Variants in RP1 observed in about 807,000 individuals in gnomAD.
RP1 encodes RP1 axonemal microtubule associated.
In RP1, 16 loss-of-function variants were observed where a neutral mutation model predicts 14.8. The observed-to-expected ratio is 1.08, with a 90% CI of 0.73 to 1.65. The LOEUF is 1.65. RP1 is among the 40% of genes most tolerant of loss of function. The pLI is 0.00. For synonymous variants in RP1, 876 were observed against 883.6 expected (o/e 0.99, Z 0.15); for missense variants, 2,631 against 2,535.0 (o/e 1.04, Z -0.81).
At chr8:54,563,608 A>C (rs1804335519) in intron 1 of RP1, among the ~76,000 whole-genome samples, 1 of 151,944 alleles carries the variant, frequency 6.6e-6, no homozygotes. Context: ...TGCAGTGGCG[A>C]GATCATAGCT....
At chr8:54,847,072 A>G (rs952191073) in intron 25 of RP1, among the ~76,000 whole-genome samples, 1 of 152,184 alleles carries the variant, frequency 6.6e-6, no homozygotes, top group Non-Finnish European at 1.5e-5. Context: ...GCTGCCCCCA[A>G]GATCCAACCC....
At chr8:54,782,506 A>C (rs1266258901) in intron 23 of RP1, among the ~76,000 whole-genome samples, 1 of 152,166 alleles carries the variant, frequency 6.6e-6, no homozygotes, top group Non-Finnish European at 1.5e-5. Context: ...GAAATATAAA[A>C]AATACAAGGT....
chr8:54,745,114 C>A (rs1809191967), intron 19 of RP1, among the ~76,000 whole-genome samples: 1 of 152,150 alleles, frequency 6.6e-6, no homozygotes, highest in African/African-American at 2.4e-5. Flanking sequence ...GCCAACATGA[C>A]TAAGATGCAG....
intron 8 of RP1, among the ~76,000 whole-genome samples, chr8:54,675,724 A>G (rs952226891): frequency 2.1e-4 from 32 of 152,150 alleles, no homozygotes; most frequent in Non-Finnish European, 7.4e-5. Flanking sequence ...AATCAGAACT[A>G]TAAGTACAGT....
chr8:54,725,241 ATTAT>A (rs1166790100), intron 16 of RP1, among the ~76,000 whole-genome samples: 5 of 152,126 alleles, frequency 3.3e-5, no homozygotes, highest in African/African-American at 1.2e-4. Flanking sequence ...TTCCTCTACA[ATTAT>A]TTATTTATTC....
intron 26 of RP1, among the ~76,000 whole-genome samples, chr8:54,854,981 T>A (rs1812156597): frequency 6.6e-6 from 1 of 152,238 alleles, no homozygotes; most frequent in Non-Finnish European, 1.5e-5. Context: ...ACATTCACAT[T>A]ATTGTGTAAG....
chr8:54,627,191 T>G lies in RP1; in HGVS notation c.3309T>G (p.Asn1103Lys). Residue 1103 changes from asparagine to lysine, a missense_variant, in exon 4 of 4, where the codon AAT becomes AAG. By Grantham distance (94) the Asn-to-Lys change is moderately conservative. Coordinates refer to ENST00000220676, the MANE Select transcript of RP1 (RefSeq NM_006269.2). ...TTCCTGGTATTCACAAGACTCAGAA[T>G]GGAGTTGTTCAAATGCCAGGTTCAC... is the stretch of plus-strand genomic sequence containing the variant. ...ASVPGIHKTQ[N>K]GVVQMPGSLA... is the part of the protein sequence containing the mutation. The G allele has an allele frequency of 1.9e-6, 3 of 1,614,068 alleles. No individual in the cohort carries two copies. Among genetic ancestry groups the G allele is most frequent in the Non-Finnish European group, 2.5e-6 (3 of 1,179,970 alleles).
intron 28 of RP1, among the ~76,000 whole-genome samples, chr8:54,867,052 A>G (rs780241489): frequency 2.6e-4 from 40 of 152,184 alleles, no homozygotes; most frequent in East Asian, 3.8e-4. Flanking sequence ...TTGATGCTCA[A>G]TAAGGGAGGA....
At position 54,626,698 on chromosome 8, in the gene RP1, G is replaced by C; in HGVS notation, c.2816G>C (p.Arg939Thr). The change falls in exon 4 of 4, where the codon AGA becomes ACA. Residue 939 changes from arginine (R) to threonine (T), a missense_variant. Physicochemically the swap from Arg to Thr is moderately conservative, Grantham distance 71 (BLOSUM62 -1). Coordinates refer to ENST00000220676, the MANE Select transcript of RP1 (RefSeq NM_006269.2). ...CCTATAAAATCAGCTCCAGTATGTA[G>C]AAATGAAACGAGTGTGGTAAATTGT... ...LKPIKSAPVC[R>T]NETSVVNCSN... 6.8e-6 allele frequency: 11 copies of C among 1,613,952 alleles called. No individual in the cohort carries two copies. The highest frequency in any genetic ancestry group is 8.5e-6 in the Non-Finnish European group (10 of 1,179,930).
chr8:54,744,335 C>T (rs1809172990), intron 19 of RP1, among the ~76,000 whole-genome samples: 1 of 152,100 alleles, frequency 6.6e-6, no homozygotes, highest in Admixed American at 6.6e-5. Flanking sequence ...CAAGGGAGCT[C>T]CCTAGGGAGC....
chr8:54,667,819 C>T (rs1376672682), intron 7 of RP1, among the ~76,000 whole-genome samples: 3 of 152,076 alleles, frequency 2.0e-5, no homozygotes, highest in Admixed American at 2.0e-4. Flanking sequence ...TTGTTAATAA[C>T]AGGCTCTGAA....
chr8:54,807,447 C>A (rs191409182), intron 24 of RP1, among the ~76,000 whole-genome samples: 9 of 152,248 alleles, frequency 5.9e-5, no homozygotes, highest in Admixed American at 4.6e-4. Context: ...ACTCTTTTGA[C>A]CACATATGTG....
chr8:54,731,628 T>C (rs940039799), intron 17 of RP1, among the ~76,000 whole-genome samples: 1 of 152,152 alleles, frequency 6.6e-6, no homozygotes, highest in Admixed American at 6.5e-5. Flanking sequence ...ATAATATGAG[T>C]GTACCCTGAC....
At chr8:54,848,817 C>T (rs960000168) in intron 25 of RP1, among the ~76,000 whole-genome samples, 2 of 152,248 alleles carry the variant, frequency 1.3e-5, no homozygotes, top group South Asian at 2.1e-4. Flanking sequence ...GGCACGATCT[C>T]GGCTCACTGC....
intron 1 of RP1, among the ~76,000 whole-genome samples, chr8:54,609,358 G>A (rs1330719496): frequency 6.6e-6 from 1 of 152,072 alleles, no homozygotes; most frequent in East Asian, 1.9e-4. Context: ...GGAGGTTTAG[G>A]CTGGAGCATC....
intron 15 of RP1, among the ~76,000 whole-genome samples, chr8:54,719,769 C>G (rs1488732454): frequency 6.6e-6 from 1 of 152,144 alleles, no homozygotes; most frequent in Non-Finnish European, 1.5e-5. Context: ...CTTTTCCCAC[C>G]ATTTTAGAGT....
chr8:54,860,135 G>A (rs1402709908), intron 27 of RP1, among the ~76,000 whole-genome samples: 1 of 152,108 alleles, frequency 6.6e-6, no homozygotes, highest in Non-Finnish European at 1.5e-5. Context: ...AAGGTTGTTT[G>A]ATACAAAGAA....
chr8:54,622,146 C>A lies in RP1; in HGVS notation c.645C>A (p.Ser215Arg). 2 of 1,614,178 alleles carry A rather than the reference C, an allele frequency of 1.2e-6. No homozygotes were observed. The highest frequency in any genetic ancestry group is 1.7e-6 in the Non-Finnish European group (2 of 1,180,038). The change falls in exon 3 of 4, where the codon AGC becomes AGA. Residue 215 changes from serine (S) to arginine (R), a missense_variant. Transcript: ENST00000220676. ...RVPSLQAVIL[S>R]SGAVVAAGRE... is the part of the protein sequence containing the mutation. ...CCAGCCTCCAGGCAGTGATCCTGAG[C>A]TCTGGAGCTGTGGTGGCGGCAGGAA...
intron 1 of RP1, among the ~76,000 whole-genome samples, chr8:54,581,005 TTTA>T (rs1804779237): frequency 2.6e-5 from 2 of 77,152 alleles, no homozygotes; most frequent in Non-Finnish European, 8.5e-5. Context: ...TATTTATCTA[TTTA>T]TTTTTTTTTA....
Sources: allele counts gnomAD v4.1 joint callset (sites outside exome capture counted in the v4.1 genomes callset), GRCh38; gene constraint gnomAD v4.1.1; transcripts MANE v1.5; gene names NCBI Gene and HGNC (gene_info 2026-07-23, HGNC 2026-07-21).